CAMTA1: variants seen among roughly 807,000 people sequenced by gnomAD.
The protein encoded by CAMTA1 is calmodulin-binding transcription activator 1.
Under a neutral mutation model 170.9 loss-of-function variants are expected in CAMTA1, and 27 were observed. That is an observed-to-expected ratio of 0.16 (90% confidence interval 0.12 to 0.22). CAMTA1 has a LOEUF of 0.22. Among genes scored for constraint, CAMTA1 ranks in the 10% least tolerant of loss-of-function variants. The pLI is 1.00. For synonymous variants in CAMTA1, 833 were observed against 891.5 expected (o/e 0.93, Z 1.17); for missense variants, 1,619 against 2,217.2 (o/e 0.73, Z 5.42).
At chr1:6,978,040 G>A (rs1267253168) in intron 3 of CAMTA1, among the ~76,000 whole-genome samples, 2 of 152,162 alleles carry the variant, frequency 1.3e-5, no homozygotes, top group East Asian at 1.9e-4. Context: ...AGGGTAGAAG[G>A]ATGGTTACCA....
chr1:6,868,318 TAAAAA>T (rs1181488424), intron 3 of CAMTA1, among the ~76,000 whole-genome samples: 12 of 134,132 alleles, frequency 8.9e-5, no homozygotes, highest in African/African-American at 3.5e-4. Context: ...TTTTTTTTTT[TAAAAA>T]CAAAACAAAA....
At chr1:7,543,065 C>T (rs985397085) in intron 6 of CAMTA1, among the ~76,000 whole-genome samples, 6 of 152,134 alleles carry the variant, frequency 3.9e-5, no homozygotes, top group Admixed American at 2.6e-4. Flanking sequence ...GACAGGGTTT[C>T]ACCGTGTTAG....
At chr1:7,745,657 G>A (rs1250581105) in intron 17 of CAMTA1, among the ~76,000 whole-genome samples, 188 bp from the exon 18 acceptor site, 2 of 152,192 alleles carry the variant, frequency 1.3e-5, no homozygotes, top group Non-Finnish European at 1.5e-5. Flanking sequence ...TATGATAGGT[G>A]TTGAGTATAA....
At chr1:7,185,245 T>A (rs771356559) in intron 4 of CAMTA1, among the ~76,000 whole-genome samples, 13 of 152,310 alleles carry the variant, frequency 8.5e-5, no homozygotes, top group South Asian at 6.2e-4. Flanking sequence ...CTAGAGGCAA[T>A]GATGTCTCAG....
intron 3 of CAMTA1, among the ~76,000 whole-genome samples, chr1:7,037,805 T>C (rs1703838520): frequency 1.3e-5 from 2 of 149,406 alleles, no homozygotes; most frequent in South Asian, 4.2e-4. Context: ...ACCACTGCAC[T>C]CCAGCCTGGG....
intron 1 of CAMTA1, among the ~76,000 whole-genome samples, chr1:6,817,712 T>G (rs1163767414): frequency 6.6e-6 from 1 of 152,184 alleles, no homozygotes; most frequent in Non-Finnish European, 1.5e-5. Context: ...TGGTTCACTT[T>G]AGGCTCAAAT....
chr1:7,191,792 A>G (rs1654576343), intron 4 of CAMTA1, among the ~76,000 whole-genome samples: 1 of 152,218 alleles, frequency 6.6e-6, no homozygotes, highest in Admixed American at 6.5e-5. Flanking sequence ...TGCAGTCCCC[A>G]GGAATAAGCT....
chr1:6,799,787 CTGAT>C (rs766120666), intron 1 of CAMTA1, among the ~76,000 whole-genome samples: 10 of 152,150 alleles, frequency 6.6e-5, no homozygotes, highest in Non-Finnish European at 1.2e-4. Context: ...CTCTCTCTCT[CTGAT>C]TATCTTATTG....
intron 5 of CAMTA1, among the ~76,000 whole-genome samples, chr1:7,381,725 G>A (rs1350644649): frequency 1.4e-5 from 2 of 145,936 alleles, no homozygotes; most frequent in East Asian, 2.0e-4. Flanking sequence ...CTGAGGAATC[G>A]CCACACTGAC....
chr1:7,310,676 C>CTTTCTTTTTTTTTT (rs1676479591), intron 5 of CAMTA1, among the ~76,000 whole-genome samples: 2 of 25,526 alleles, frequency 7.8e-5, no homozygotes, highest in Non-Finnish European at 1.3e-4. Flanking sequence ...TCTTTCCTTT[C>CTTTCTTTTTTTTTT]TTTCTCTCTC....
rs1011513856 is a variant in CAMTA1 at position 7,759,993 on chromosome 1, G to A, written c.4989+4325G>A. 5.8e-4 allele frequency among the ~76,000 whole-genome samples: 89 copies of A among 152,196 alleles called. 3 individuals carry two copies. The highest frequency in any genetic ancestry group is 5.8e-3 in the Admixed American group (89 of 15,284). On this transcript the variant is annotated intron_variant, in intron 22 of 22. Coordinates refer to ENST00000303635, the MANE Select transcript of CAMTA1 (RefSeq NM_015215.4). The stretch of plus-strand genomic sequence containing the variant: ...TTTCCCGATACGAGACACTATTTCT[G>A]TGAGAAGGCTTTATAAACTGTAACA...
intron 3 of CAMTA1, among the ~76,000 whole-genome samples, chr1:6,845,355 A>G (rs1657644278): frequency 6.6e-6 from 1 of 152,110 alleles, no homozygotes; most frequent in Non-Finnish European, 1.5e-5. Flanking sequence ...TACCACCTCT[A>G]ACTACCTCGG....
chr1:7,578,568 T>A (rs554316639), intron 6 of CAMTA1, among the ~76,000 whole-genome samples: 1 of 152,300 alleles, frequency 6.6e-6, no homozygotes, highest in Admixed American at 6.5e-5. Context: ...CCCATATCCG[T>A]GGCAATGGAT....
intron 3 of CAMTA1, among the ~76,000 whole-genome samples, chr1:7,060,478 A>G (rs1489882904): frequency 6.6e-6 from 1 of 152,190 alleles, no homozygotes; most frequent in African/African-American, 2.4e-5. Flanking sequence ...ATCCAGTCAC[A>G]TGCCGAGATG....
At chr1:7,083,432 A>C (rs1488188590) in intron 3 of CAMTA1, among the ~76,000 whole-genome samples, 1 of 152,054 alleles carries the variant, frequency 6.6e-6, no homozygotes, top group Non-Finnish European at 1.5e-5. Flanking sequence ...GTTGGTTTAG[A>C]CCTGTGGGTG....
rs2148452725 is a variant in CAMTA1 at position 6,820,215 on chromosome 1, C to G, written c.80C>G (p.Thr27Ser). ...CAAAGTGTATTCTGCGGAACTAGCA[C>G]CTACTGTGTTCTCAACACCGTGCCA... ...VSQSVFCGTSTYCVLNTVPPI... is the reference protein window; with the variant it reads ...VSQSVFCGTSSYCVLNTVPPI... The change falls in exon 2 of 23, where the codon ACC (threonine) becomes AGC (serine). Residue 27 changes from threonine to serine, a missense_variant. Coordinates refer to ENST00000303635, the MANE Select transcript of CAMTA1 (RefSeq NM_015215.4). The G allele has an allele frequency of 2.5e-6, 4 of 1,612,734 alleles. No individual in the cohort carries two copies. The East Asian group carries it at 8.9e-5, about 36-fold the overall frequency.
At chr1:7,121,883 A>G (rs1644663858) in intron 4 of CAMTA1, among the ~76,000 whole-genome samples, 1 of 152,020 alleles carries the variant, frequency 6.6e-6, no homozygotes, top group African/African-American at 2.4e-5. Context: ...GGCATCTGGC[A>G]GGGTGAGAGG....
intron 1 of CAMTA1, among the ~76,000 whole-genome samples, chr1:6,819,032 A>G (rs1049296173): frequency 6.6e-6 from 1 of 151,768 alleles, no homozygotes; most frequent in African/African-American, 2.4e-5. Context: ...GGTTCACTGC[A>G]GCCTTAAAAG....
intron 3 of CAMTA1, among the ~76,000 whole-genome samples, chr1:7,031,912 A>G (rs183569186): frequency 6.6e-6 from 1 of 152,074 alleles, no homozygotes; most frequent in Admixed American, 6.5e-5. Flanking sequence ...TTAAGTTTCT[A>G]TTTGTTTTCT....
Sources: allele counts gnomAD v4.1 joint callset (sites outside exome capture counted in the v4.1 genomes callset), GRCh38; gene constraint gnomAD v4.1.1; transcripts MANE v1.5; gene names NCBI Gene and HGNC (gene_info 2026-07-23, HGNC 2026-07-21).